Variants in CSMD3 observed in about 807,000 individuals in gnomAD.
CSMD3 encodes CUB and Sushi multiple domains 3.
CSMD3 carries 177 observed loss-of-function variants against 435.2 expected under a neutral mutation model. That is an observed-to-expected ratio of 0.41 (90% CI 0.36 to 0.46). The LOEUF (loss-of-function observed/expected upper bound fraction) is 0.46. CSMD3 is among the 20% of genes least tolerant of loss of function. The probability of loss-of-function intolerance (pLI) is 0.34; values close to 1 mark genes in which losing one functional copy is unlikely to be tolerated. For synonymous variants in CSMD3, 1,656 were observed against 1,520.5 expected, an observed-to-expected ratio of 1.09 and a Z score of -2.07; for missense variants, 4,265 against 4,504.6, an observed-to-expected ratio of 0.95 and a Z score of 1.52.
chr8:113,108,866 A>T (rs568618559), intron 4 of CSMD3, among the ~76,000 whole-genome samples: 1 of 152,332 alleles, frequency 6.6e-6, no homozygotes, highest in South Asian at 2.1e-4. Context: ...CTGTCTCCCA[A>T]ATTAATCTAT....
At chr8:112,586,652 AT>A in intron 23 of CSMD3, among the ~76,000 whole-genome samples, 1 of 150,968 alleles carries the variant, frequency 6.6e-6, no homozygotes. Context: ...AATAAGTTAC[AT>A]TATAGACAAT....
At chr8:113,001,406 C>T (rs1295956176) in intron 6 of CSMD3, among the ~76,000 whole-genome samples, 1 of 152,040 alleles carries the variant, frequency 6.6e-6, no homozygotes, top group Admixed American at 6.6e-5. Flanking sequence ...CTCTGCAGGG[C>T]CTTTGTTTAT....
intron 30 of CSMD3, among the ~76,000 whole-genome samples, chr8:112,495,900 C>A (rs1351699670): frequency 1.3e-5 from 2 of 151,136 alleles, no homozygotes; most frequent in African/African-American, 4.9e-5. Context: ...ATTATTTCTG[C>A]TGAATATAAA....
At chr8:112,761,448 T>C (rs368138960) in intron 13 of CSMD3, among the ~76,000 whole-genome samples, 26 of 152,280 alleles carry the variant, frequency 1.7e-4, no homozygotes, top group African/African-American at 6.3e-4. Flanking sequence ...CAAAGTAAGC[T>C]ACTAGGATCT....
intron 3 of CSMD3, among the ~76,000 whole-genome samples, chr8:113,271,456 A>C (rs2093525961): frequency 6.6e-6 from 1 of 152,134 alleles, no homozygotes; most frequent in South Asian, 2.1e-4. Context: ...TGTTGCTAAA[A>C]GGGGCCAAGG....
intron 7 of CSMD3, among the ~76,000 whole-genome samples, chr8:112,958,716 T>C (rs2084123594): frequency 6.6e-6 from 1 of 152,218 alleles, no homozygotes; most frequent in Non-Finnish European, 1.5e-5. Context: ...TATTCACGCA[T>C]ATAAATCATA....
chr8:113,011,450 A>T (rs1362793579), intron 6 of CSMD3, among the ~76,000 whole-genome samples: 2 of 151,818 alleles, frequency 1.3e-5, no homozygotes, highest in African/African-American at 4.8e-5. Flanking sequence ...TTGAAGTAAA[A>T]CAATATTTAG....
intron 28 of CSMD3, among the ~76,000 whole-genome samples, chr8:112,511,534 C>G (rs1164977889): frequency 1.3e-5 from 2 of 151,752 alleles, no homozygotes; most frequent in Admixed American, 1.3e-4. Context: ...GGACTACAGG[C>G]GCCTGCCACC....
chr8:112,693,605 C>T (rs191441973), intron 13 of CSMD3, among the ~76,000 whole-genome samples: 114 of 152,042 alleles, frequency 7.5e-4, no homozygotes, highest in Non-Finnish European at 1.5e-3. Context: ...TTCAGACTTG[C>T]TGTTTTTAAA....
At chr8:113,282,339 C>CCA (rs1421808806) in intron 2 of CSMD3, among the ~76,000 whole-genome samples, 1 of 151,980 alleles carries the variant, frequency 6.6e-6, no homozygotes, top group Non-Finnish European at 1.5e-5. Flanking sequence ...AAGGACTCCT[C>CCA]CAGAAAGCTC....
chr8:112,757,208 A>G (rs1235920649), intron 13 of CSMD3, among the ~76,000 whole-genome samples: 1 of 152,144 alleles, frequency 6.6e-6, no homozygotes, highest in Non-Finnish European at 1.5e-5. Flanking sequence ...AATGCAACAC[A>G]TTGATCTATG....
chr8:112,273,376 T>C (rs147116440), intron 59 of CSMD3, among the ~76,000 whole-genome samples: 213 of 152,236 alleles, frequency 1.4e-3, no homozygotes, highest in Non-Finnish European at 2.3e-3. Flanking sequence ...GAAAACTTAC[T>C]ATATGCCAGA....
At chr8:113,086,580 A>G (rs1193230074) in intron 5 of CSMD3, among the ~76,000 whole-genome samples, 1 of 152,190 alleles carries the variant, frequency 6.6e-6, no homozygotes, top group Admixed American at 6.5e-5. Flanking sequence ...GTTAAATATT[A>G]AGAAAATATA....
At chr8:112,593,884 G>C (rs1005405256) in intron 22 of CSMD3, among the ~76,000 whole-genome samples, 21 of 152,140 alleles carry the variant, frequency 1.4e-4, no homozygotes, top group African/African-American at 4.8e-4. Context: ...GGTGATACAG[G>C]TTTGAAGGAA....
At chr8:112,477,245 T>C (rs1183767990) in intron 31 of CSMD3, among the ~76,000 whole-genome samples, 2 of 152,234 alleles carry the variant, frequency 1.3e-5, no homozygotes, top group Admixed American at 1.3e-4. Flanking sequence ...GCTTGATTGC[T>C]GTGCTTTACA....
intron 13 of CSMD3, among the ~76,000 whole-genome samples, chr8:112,799,457 T>A (rs981204681): frequency 5.9e-5 from 9 of 151,992 alleles, no homozygotes; most frequent in African/African-American, 2.2e-4. Flanking sequence ...ATATTTTTGT[T>A]TTTAAAAAAT....
At chr8:112,351,114 T>A in intron 40 of CSMD3, 61 bp downstream of exon 40, 1 of 1,022,694 alleles carries the variant, frequency 9.8e-7, no homozygotes, top group Non-Finnish European at 1.5e-6. Context: ...ACAAATACTT[T>A]ATAGTCTTTT....
intron 30 of CSMD3, among the ~76,000 whole-genome samples, chr8:112,499,854 T>TA (rs1224186305): frequency 6.6e-6 from 1 of 151,938 alleles, no homozygotes; most frequent in Non-Finnish European, 1.5e-5. Flanking sequence ...CGTGGTGGCT[T>TA]ACGCCTGTAA....
chr8:112,755,394 C>T (rs1039632021), intron 13 of CSMD3, among the ~76,000 whole-genome samples: 14 of 150,228 alleles, frequency 9.3e-5, no homozygotes, highest in African/African-American at 2.7e-4. Context: ...ACCTCCATGC[C>T]GTTCTCATGA....
Sources: gnomAD v4.1 joint callset for allele counts (sites outside exome capture counted in the v4.1 genomes callset) on GRCh38, gnomAD v4.1.1 for gene constraint, MANE v1.5 for transcripts, NCBI Gene and HGNC (gene_info 2026-07-23, HGNC 2026-07-21) for gene names.